Variants in PDGFC observed in about 807,000 individuals in gnomAD.
The protein encoded by PDGFC is platelet derived growth factor C.
A neutral mutation model predicts 35.5 loss-of-function variants in PDGFC; 12 were observed. The ratio of observed to expected loss-of-function variants is 0.34; its 90% CI spans 0.22 to 0.55. The LOEUF is 0.55. Among genes scored for constraint, PDGFC ranks in the 20% least tolerant of loss-of-function variants. The pLI, the probability that PDGFC is intolerant of heterozygous loss-of-function variation, is 0.91. For synonymous variants in PDGFC, 159 were observed against 148.8 expected (o/e 1.07, Z -0.50); for missense variants, 322 against 412.4 (o/e 0.78, Z 1.90).
intron 2 of PDGFC, chr4:156,836,153 G>T (rs1729057930): frequency 6.6e-6 from 1 of 152,152 alleles, no homozygotes; most frequent in South Asian, 2.1e-4. Flanking sequence ...ACAGGAGCAG[G>T]AACCTCTGGT....
intron 1 of PDGFC, among the ~76,000 whole-genome samples, chr4:156,860,040 G>A (rs1375930407): frequency 6.6e-6 from 1 of 152,080 alleles, no homozygotes; most frequent in Non-Finnish European, 1.5e-5. Context: ...AAGGGACAGT[G>A]GTACTAAAAG....
intron 2 of PDGFC, among the ~76,000 whole-genome samples, chr4:156,830,404 C>T (rs925785686): frequency 1.3e-5 from 2 of 152,102 alleles, no homozygotes; most frequent in Non-Finnish European, 2.9e-5. Flanking sequence ...TTTCCCTGCC[C>T]CCACCATGAC....
At chr4:156,917,764 G>T (rs186336320) in intron 1 of PDGFC, among the ~76,000 whole-genome samples, 1 of 152,204 alleles carries the variant, frequency 6.6e-6, no homozygotes. Flanking sequence ...CGAATAATTC[G>T]CTAATATGCG....
intron 2 of PDGFC, among the ~76,000 whole-genome samples, chr4:156,826,466 G>T (rs1183763328): frequency 6.6e-6 from 1 of 152,058 alleles, no homozygotes; most frequent in Non-Finnish European, 1.5e-5. Flanking sequence ...GCCTCTCAAA[G>T]TGTTGGGGTA....
intron 1 of PDGFC, among the ~76,000 whole-genome samples, chr4:156,893,764 A>G (rs1400687946): frequency 6.6e-6 from 1 of 152,202 alleles, no homozygotes; most frequent in Non-Finnish European, 1.5e-5. Flanking sequence ...ACACTAAGAA[A>G]CTGAAGGGGC....
At chr4:156,855,781 C>T (rs1729560786) in intron 1 of PDGFC, among the ~76,000 whole-genome samples, 1 of 152,124 alleles carries the variant, frequency 6.6e-6, no homozygotes, top group Admixed American at 6.5e-5. Flanking sequence ...CATCTGCTTT[C>T]AATCTCCTTA....
intron 1 of PDGFC, among the ~76,000 whole-genome samples, chr4:156,959,643 A>G (rs148157940): frequency 6.6e-5 from 10 of 152,158 alleles, no homozygotes; most frequent in Non-Finnish European, 1.2e-4. Flanking sequence ...TGCAGTTTTA[A>G]ATGTTCGGCA....
intron 1 of PDGFC, among the ~76,000 whole-genome samples, chr4:156,903,895 G>A (rs1337737796): frequency 6.6e-6 from 1 of 152,150 alleles, no homozygotes. Flanking sequence ...TAGACCCAAA[G>A]ATCATGATAG....
At chr4:156,784,936 A>C (rs1285198531) in intron 3 of PDGFC, among the ~76,000 whole-genome samples, 1 of 152,246 alleles carries the variant, frequency 6.6e-6, no homozygotes, top group Non-Finnish European at 1.5e-5. Flanking sequence ...TTGTAGCATT[A>C]TTAATAGAGA....
intron 1 of PDGFC, among the ~76,000 whole-genome samples, chr4:156,906,877 T>C (rs911442519): frequency 6.6e-6 from 1 of 152,222 alleles, no homozygotes; most frequent in Non-Finnish European, 1.5e-5. Flanking sequence ...GCCTCACTGG[T>C]AATAGAAGGC....
chr4:156,923,278 C>T (rs1452541051), intron 1 of PDGFC, among the ~76,000 whole-genome samples: 1 of 152,134 alleles, frequency 6.6e-6, no homozygotes, highest in Non-Finnish European at 1.5e-5. Flanking sequence ...CTTCCTATCC[C>T]CTCTGCCTAG....
At chr4:156,790,900 G>A (rs1731282379) in intron 3 of PDGFC, among the ~76,000 whole-genome samples, 1 of 152,116 alleles carries the variant, frequency 6.6e-6, no homozygotes, top group African/African-American at 2.4e-5. Flanking sequence ...TACTCCACAT[G>A]ATCTGAATCT....
intron 1 of PDGFC, among the ~76,000 whole-genome samples, chr4:156,925,713 G>A (rs1731393490): frequency 6.6e-6 from 1 of 150,846 alleles, no homozygotes; most frequent in Non-Finnish European, 1.5e-5. Flanking sequence ...CAAGAGATTG[G>A]CTGTAGTGTC....
chr4:156,922,155 A>AGTGTGTGTGTGT lies in PDGFC; in HGVS notation c.118+48619_118+48630dup, dbSNP rs3070262. ...TTGTGCCTATCTCACAAGGATTCAT[A>AGTGTGTGTGTGT]GTGTGTGTGTGTGTGTGTGTGTGTG... is the stretch of plus-strand genomic sequence containing the variant. On this transcript the variant is annotated intron_variant, in intron 1 of 5. Transcript: ENST00000502773. 1.2e-3 allele frequency among the ~76,000 whole-genome samples: 178 copies of AGTGTGTGTGTGT among 145,370 alleles called. 1 individual carries two copies. Among genetic ancestry groups the AGTGTGTGTGTGT allele is most frequent in the African/African-American group, 4.2e-3 (165 of 39,724 alleles).
chr4:156,806,343 A>T (rs1360905463), intron 3 of PDGFC, among the ~76,000 whole-genome samples: 1 of 152,060 alleles, frequency 6.6e-6, no homozygotes, highest in Admixed American at 6.6e-5. Flanking sequence ...TCTTAATATA[A>T]ACTGATATAC....
At chr4:156,850,829 T>TATA (rs1729436063) in intron 1 of PDGFC, among the ~76,000 whole-genome samples, 1 of 151,414 alleles carries the variant, frequency 6.6e-6, no homozygotes, top group Non-Finnish European at 1.5e-5. Context: ...TTCTCTAACT[T>TATA]AAAGCTGCAG....
chr4:156,828,431 T>C (rs1728840180), intron 2 of PDGFC, among the ~76,000 whole-genome samples: 1 of 152,162 alleles, frequency 6.6e-6, no homozygotes, highest in Non-Finnish European at 1.5e-5. Flanking sequence ...GAGGTTTTAA[T>C]TATCTAATGA....
chr4:156,825,556 A>G (rs2110996793), intron 2 of PDGFC, among the ~76,000 whole-genome samples: 1 of 68,160 alleles, frequency 1.5e-5, no homozygotes, highest in African/African-American at 6.7e-5. Flanking sequence ...TCTCCAAATA[A>G]TAATAATAAT....
intron 1 of PDGFC, among the ~76,000 whole-genome samples, chr4:156,908,696 C>G (rs958465126): frequency 7.2e-5 from 11 of 152,148 alleles, no homozygotes; most frequent in African/African-American, 2.7e-4. Flanking sequence ...CCTAAACCTA[C>G]CATACATTTA....
Sources: allele counts gnomAD v4.1 joint callset (sites outside exome capture counted in the v4.1 genomes callset), GRCh38; gene constraint gnomAD v4.1.1; transcripts MANE v1.5; gene names NCBI Gene and HGNC (gene_info 2026-07-23, HGNC 2026-07-21).